MCF2L: variants seen among roughly 807,000 people sequenced by gnomAD.
MCF2L encodes the protein MCF.2 cell line derived transforming sequence like.
MCF2L carries 97 observed loss-of-function variants against 153.4 expected under a neutral mutation model. The ratio of observed to expected loss-of-function variants is 0.63; its 90% CI spans 0.54 to 0.75. MCF2L has a LOEUF of 0.75. Ranked by LOEUF, MCF2L falls within the 30% of genes least tolerant of loss-of-function variation. The probability of loss-of-function intolerance (pLI) is 0.00; values close to 1 mark genes in which losing one functional copy is unlikely to be tolerated. For missense variants in MCF2L, 1,347 were observed against 1,495.2 expected (o/e 0.90, Z 1.64); for synonymous variants, 659 against 632.2 (o/e 1.04, Z -0.64).
At chr13:113,020,297 C>T (rs1311508443) in intron 2 of MCF2L, among the ~76,000 whole-genome samples, 2 of 152,164 alleles carry the variant, frequency 1.3e-5, no homozygotes, top group Non-Finnish European at 2.9e-5. Flanking sequence ...AGAGGGTGTC[C>T]CTAAGATGCA....
chr13:112,970,625 G>A (rs35712560), intron 1 of MCF2L, among the ~76,000 whole-genome samples: 19,015 of 152,020 alleles, frequency 0.13, 1,609 homozygotes, highest in Non-Finnish European at 0.19. Context: ...GCTTCCGATC[G>A]GCTGTGGGGG....
At chr13:112,920,377 G>A (rs1039382016) in intron 2 of MCF2L, among the ~76,000 whole-genome samples, 1 of 152,182 alleles carries the variant, frequency 6.6e-6, no homozygotes, top group South Asian at 2.1e-4. Flanking sequence ...GCTGGCTTGT[G>A]TGTGTGTGTG....
Position 113,064,520 on chromosome 13 carries a change from C to A in MCF2L, c.606+100C>A. 1 of 745,556 alleles carries A rather than the reference C, an allele frequency of 1.3e-6. No individual in the cohort carries two copies. The highest frequency in any genetic ancestry group is 1.5e-5 in the South Asian group (1 of 67,796). 46.2% of individuals were successfully genotyped at this position (745,556 alleles called of 1,614,324 possible). On this transcript the variant is annotated intron_variant, in intron 6 of 29. Coordinates refer to ENST00000535094, the MANE Select transcript of MCF2L (RefSeq NM_001112732.3). This position sits in a 1 kb window ranked among gnomAD's most constrained non-coding sequence, Gnocchi z 6.0. ...ACACGGCCCTTTCCAAAAACACATT[C>A]ACATTAACAGTCGTTTTCTTTCCCA...
chr13:112,897,898 C>T (rs988578805), intron 1 of MCF2L, among the ~76,000 whole-genome samples: 3 of 152,156 alleles, frequency 2.0e-5, no homozygotes, highest in African/African-American at 4.8e-5. Context: ...GCCTGGCACC[C>T]GCTCTGTGCC....
chr13:112,964,227 C>T (rs762817178), upstream of MCF2L, among the ~76,000 whole-genome samples: 1 of 152,232 alleles, frequency 6.6e-6, no homozygotes, highest in Non-Finnish European at 1.5e-5. Flanking sequence ...TCTACAGTTG[C>T]CCACGTTGAT....
In MCF2L at chr13:112,904,309, G is replaced by C. The variant is rs1357558443; in HGVS notation, c.169+1938G>C. Among the ~76,000 whole-genome samples, 2 of 152,208 alleles carry C rather than the reference G, an allele frequency of 1.3e-5. No homozygotes were observed. Among genetic ancestry groups the C allele is most frequent in the East Asian group, 3.9e-4 (2 of 5,174 alleles). On this transcript the variant is annotated intron_variant, in intron 2 of 29. Transcript: ENST00000375608. This position sits in a 1 kb window ranked among gnomAD's most constrained non-coding sequence, Gnocchi z 4.2. Reference sequence around the variant, plus strand: ...ACGTACCGAGCTCTCCCAGGCTCAGGAGCATGTCAGGGTCCACCGTGCACC... The same window carrying C: ...ACGTACCGAGCTCTCCCAGGCTCAGCAGCATGTCAGGGTCCACCGTGCACC...
intron 2 of MCF2L, among the ~76,000 whole-genome samples, chr13:112,963,251 G>A (rs1035359209): frequency 2.0e-5 from 3 of 152,304 alleles, no homozygotes; most frequent in Non-Finnish European, 4.4e-5. Context: ...GGCATGTCTC[G>A]TGGAATCTTA....
At position 113,094,837 on chromosome 13, in the gene MCF2L, C is replaced by G. The variant is rs1357031844; in HGVS notation, c.3075+202C>G. 2.8e-6 allele frequency: 3 copies of G among 1,075,194 alleles called. No individual in the cohort carries two copies. In the Admixed American group the frequency reaches 6.3e-5, roughly 23 times the overall value. The allele number at this position is 1,075,194 out of a possible 1,614,324, so 66.6% of individuals were successfully genotyped here. ...CTGGAAGGTCCACCCAGACCTGGGT[C>G]TTGGGGCACAGCCCCAGCTCCTCCT... is the stretch of plus-strand genomic sequence containing the variant. On this transcript the variant is annotated intron_variant, in intron 27 of 29. Transcript: ENST00000535094.
In MCF2L at chr13:113,045,838, GT is replaced by G. The variant is rs2086778212; in HGVS notation, c.369+478del. 1.1e-5 allele frequency: 2 copies of G among 176,400 alleles called. No individual in the cohort carries two copies. The highest frequency in any genetic ancestry group is 2.8e-4 in the South Asian group (2 of 7,120). 10.9% of individuals were successfully genotyped at this position (176,400 alleles called of 1,614,324 possible). A position where few individuals can be genotyped will look rare whatever the true frequency, so the allele number is the denominator to read the frequency against. ...CCTGACCAGGCAGGACGGGGGCTGT[GT>G]GCAGAGACGCTCCAGGCTGGAAGTT... On this transcript the variant is annotated intron_variant, in intron 4 of 29. Transcript: ENST00000535094. This position sits in a 1 kb window ranked among gnomAD's most constrained non-coding sequence, Gnocchi z 4.2.
At chr13:112,970,337 C>A (rs1377182979) in intron 1 of MCF2L, among the ~76,000 whole-genome samples, 1 of 152,098 alleles carries the variant, frequency 6.6e-6, no homozygotes, top group East Asian at 1.9e-4. Context: ...TCTCTGCCCA[C>A]CCCGATGGAT....
intron 1 of MCF2L, among the ~76,000 whole-genome samples, chr13:112,981,436 G>A (rs2082421903): frequency 6.6e-6 from 1 of 152,190 alleles, no homozygotes; most frequent in Admixed American, 6.5e-5. Context: ...TGAAGACATC[G>A]TCCACGACAT....
chr13:113,065,117 G>A (rs1416173743), intron 7 of MCF2L, 32 bp downstream of exon 7: 1 of 1,606,352 alleles, frequency 6.2e-7, no homozygotes, highest in Non-Finnish European at 8.5e-7. Flanking sequence ...TGGAAGCTGT[G>A]GGGGGCTCCG....
chr13:113,007,264 G>A (rs1205610687), intron 1 of MCF2L, among the ~76,000 whole-genome samples: 3 of 152,212 alleles, frequency 2.0e-5, no homozygotes. Context: ...TTTTACTGAT[G>A]TCAGGAAACG....
At chr13:113,075,869 A>G in intron 11 of MCF2L, 97 bp from the exon 12 acceptor site, 1 of 967,304 alleles carries the variant, frequency 1.0e-6, no homozygotes, top group Non-Finnish European at 1.5e-6. Context: ...GTGGCCCGGG[A>G]TCTGTCGGGA....
chr13:112,970,631 G>A (rs2082008120), intron 1 of MCF2L, among the ~76,000 whole-genome samples: 1 of 152,092 alleles, frequency 6.6e-6, no homozygotes, highest in South Asian at 2.1e-4. Context: ...GATCGGCTGT[G>A]GGGGTGGAGG....
At chr13:112,913,001 G>GTC (rs2081250300) in intron 2 of MCF2L, among the ~76,000 whole-genome samples, 1 of 151,256 alleles carries the variant, frequency 6.6e-6, no homozygotes, top group African/African-American at 2.4e-5. Context: ...TTGTGTGTCT[G>GTC]TGGTGTATCT....
At chr13:113,033,961 C>T (rs751475512) in intron 3 of MCF2L, 20 of 116,316 alleles carry the variant, frequency 1.7e-4, no homozygotes, top group Non-Finnish European at 8.8e-5. Context: ...GCACGCACCG[C>T]GGTGACCACC....
At chr13:113,091,842 T>C (rs1464971954) in intron 26 of MCF2L, among the ~76,000 whole-genome samples, 1 of 152,134 alleles carries the variant, frequency 6.6e-6, no homozygotes, top group African/African-American at 2.4e-5. Context: ...ATGTTTGCAA[T>C]CTTGAGTTTT....
intron 2 of MCF2L, among the ~76,000 whole-genome samples, chr13:112,946,148 T>C (rs1418866547): frequency 2.6e-5 from 4 of 152,356 alleles, no homozygotes; most frequent in Admixed American, 2.6e-4. Context: ...CTTTTCACTT[T>C]ATCATCTTTT....
Sources: gnomAD v4.1 joint callset for allele counts (sites outside exome capture counted in the v4.1 genomes callset) on GRCh38, gnomAD v4.1.1 for gene constraint, Gnocchi (gnomAD v3.1) non-coding constraint, MANE v1.5 for transcripts, NCBI Gene and HGNC (gene_info 2026-07-23, HGNC 2026-07-21) for gene names.